The following ARHGEF10 variants were observed in gnomAD, a reference collection of about 807,000 sequenced individuals.
ARHGEF10 encodes the protein Rho guanine nucleotide exchange factor (GEF) 10.
In ARHGEF10, 140 loss-of-function variants were observed where a neutral mutation model predicts 147.4. The observed-to-expected ratio is 0.95, with a 90% CI of 0.83 to 1.09. The LOEUF (loss-of-function observed/expected upper bound fraction) is 1.09, where lower values mean the gene tolerates loss of function less well. ARHGEF10 is among the 50% of genes least tolerant of loss of function. The pLI is 0.00. For synonymous variants in ARHGEF10, 902 were observed against 695.8 expected (o/e 1.30, Z -4.67); for missense variants, 2,222 against 1,752.7 (o/e 1.27, Z -4.78).
intron 1 of ARHGEF10, among the ~76,000 whole-genome samples, chr8:1,834,117 C>T (rs1441823976): frequency 2.0e-5 from 3 of 152,190 alleles, no homozygotes; most frequent in Non-Finnish European, 2.9e-5. Context: ...TCTCATGGCA[C>T]GGACAGTTCT....
intron 17 of ARHGEF10, among the ~76,000 whole-genome samples, chr8:1,906,957 A>C (rs1417721219): frequency 6.6e-6 from 1 of 152,238 alleles, no homozygotes; most frequent in Admixed American, 6.5e-5. Flanking sequence ...AACCCTGTTC[A>C]TTTGACTCAT....
chr8:1,928,579 C>A lies in ARHGEF10; in HGVS notation c.2850C>A (p.Pro950=). The A allele has an allele frequency of 6.2e-7, 1 of 1,614,224 alleles. No homozygotes were observed. The highest frequency in any genetic ancestry group is 8.5e-7 in the Non-Finnish European group (1 of 1,180,056). The change falls in exon 24 of 29, where the codon CCC becomes CCA. Residue 950 remains proline (P), a synonymous_variant. Transcript: ENST00000349830. The stretch of plus-strand genomic sequence containing the variant: ...AGAAGCGCAGAGAGCCTGGGGCACC[C>A]CCGGACCCCGAGACCCCGGCCGTGA... ...VEEKRREPGA[P]PDPETPAVRA...
At chr8:1,950,146 G>A (rs759800776) in intron 27 of ARHGEF10, among the ~76,000 whole-genome samples, 3 of 152,122 alleles carry the variant, frequency 2.0e-5, no homozygotes, top group Admixed American at 6.5e-5. Context: ...CTGCATCACC[G>A]TTCACCACCT....
chr8:1,866,917 G>T (rs983477784), intron 6 of ARHGEF10, among the ~76,000 whole-genome samples: 6 of 152,074 alleles, frequency 3.9e-5, no homozygotes, highest in Non-Finnish European at 8.8e-5. Context: ...CTGCAGCCAT[G>T]GTCAGCCACC....
intron 10 of ARHGEF10, 80 bp downstream of exon 10, chr8:1,882,829 G>C (rs916344659): frequency 1.2e-5 from 12 of 974,498 alleles, no homozygotes; most frequent in African/African-American, 4.9e-5. Flanking sequence ...GACTCGGGGT[G>C]GGGGGCGGCC....
intron 26 of ARHGEF10, among the ~76,000 whole-genome samples, chr8:1,940,199 G>A (rs897879035): frequency 4.6e-5 from 7 of 152,124 alleles, no homozygotes; most frequent in Non-Finnish European, 1.0e-4. Flanking sequence ...TCTGTCATAC[G>A]CCACGGTTGT....
intron 1 of ARHGEF10, among the ~76,000 whole-genome samples, chr8:1,825,617 A>G (rs538966044): frequency 2.2e-4 from 33 of 150,568 alleles, no homozygotes; most frequent in Non-Finnish European, 4.4e-4. Context: ...TCCCAGCCCC[A>G]CTCCCCTTCC....
At chr8:1,850,724 T>C (rs1311924111) in intron 2 of ARHGEF10, among the ~76,000 whole-genome samples, 1 of 152,182 alleles carries the variant, frequency 6.6e-6, no homozygotes, top group East Asian at 1.9e-4. Context: ...GAAAACTTAA[T>C]GTCCACTCAA....
intron 28 of ARHGEF10, among the ~76,000 whole-genome samples, chr8:1,954,602 C>T (rs1815329534): frequency 6.6e-6 from 1 of 152,224 alleles, no homozygotes; most frequent in Non-Finnish European, 1.5e-5. Context: ...GGCCACCTGC[C>T]TGTGCCCAGG....
chr8:1,886,635 T>A (rs2129134561), intron 11 of ARHGEF10, among the ~76,000 whole-genome samples: 1 of 152,306 alleles, frequency 6.6e-6, no homozygotes, highest in East Asian at 1.9e-4. Context: ...CAACAGAGCT[T>A]GGAGACAGTT....
At chr8:1,922,400 C>G (rs139690475) in intron 18 of ARHGEF10, among the ~76,000 whole-genome samples, 1 of 151,990 alleles carries the variant, frequency 6.6e-6, no homozygotes, top group Admixed American at 6.6e-5. Flanking sequence ...GTTATGTCAA[C>G]GGTGTCTAAA....
chr8:1,894,833 C>G (rs1809845497), intron 13 of ARHGEF10, among the ~76,000 whole-genome samples: 1 of 152,214 alleles, frequency 6.6e-6, no homozygotes, highest in Non-Finnish European at 1.5e-5. Flanking sequence ...TAACAATATG[C>G]ACTTTATCGA....
intron 11 of ARHGEF10, among the ~76,000 whole-genome samples, chr8:1,889,468 GAGGAGA>G (rs1397032161): frequency 7.5e-5 from 5 of 66,858 alleles, no homozygotes; most frequent in African/African-American, 1.7e-4. Context: ...AGGGGTCTGT[GAGGAGA>G]CACTGAGTGG....
chr8:1,918,505 T>TGTGTG (rs1554505892), intron 18 of ARHGEF10, among the ~76,000 whole-genome samples: 5 of 148,714 alleles, frequency 3.4e-5, no homozygotes, highest in Admixed American at 1.4e-4. Context: ...TGTGTGTGTG[T>TGTGTG]TATTTTAAAA....
intron 16 of ARHGEF10, 145 bp from the exon 17 acceptor site, chr8:1,905,426 G>A (rs1362923392): frequency 1.3e-5 from 13 of 985,576 alleles, no homozygotes; most frequent in South Asian, 6.6e-5. Flanking sequence ...GATGTTCAGC[G>A]CAGTCACGGG....
At chr8:1,950,132 G>T (rs549428557) in intron 27 of ARHGEF10, among the ~76,000 whole-genome samples, 9 of 152,248 alleles carry the variant, frequency 5.9e-5, no homozygotes, top group South Asian at 4.1e-4. Flanking sequence ...ACCTCACTGT[G>T]CAGCTGCATC....
At chr8:1,882,081 G>A (rs917618037) in intron 9 of ARHGEF10, among the ~76,000 whole-genome samples, 2 of 152,168 alleles carry the variant, frequency 1.3e-5, no homozygotes, top group Admixed American at 6.5e-5. Context: ...CATCCGCAGC[G>A]TGCTGCACCC....
In ARHGEF10 at chr8:1,882,769, C is replaced by G. The variant is rs773008961; in HGVS notation, c.1075+20C>G. The G allele has an allele frequency of 6.8e-7, 1 of 1,463,044 alleles. No individual in the cohort carries two copies. The highest frequency in any genetic ancestry group is 9.1e-7 in the Non-Finnish European group (1 of 1,098,110). 90.6% of individuals were successfully genotyped at this position (1,463,044 alleles called of 1,614,324 possible). ...CACAGGGTCCGTGCCTGCAGGTCTT[C>G]TTGCGGGGAGGACACGGGGTTGGGG... On this transcript the variant is annotated intron_variant, in intron 10 of 28. Transcript: ENST00000349830.
At position 1,833,332 on chromosome 8, in the gene ARHGEF10, A is replaced by G. The variant is rs1436900577; in HGVS notation, c.-48+9219A>G. Among the ~76,000 whole-genome samples the G allele has an allele frequency of 1.5e-3, 158 of 104,454 alleles. 1 individual carries two copies. The highest frequency in any genetic ancestry group is 5.5e-3 in the African/African-American group (144 of 26,018). 68.5% of individuals were successfully genotyped at this position (104,454 alleles called of 152,430 possible). On this transcript the variant is annotated intron_variant, in intron 1 of 28. Coordinates refer to ENST00000349830, the MANE Select transcript of ARHGEF10 (RefSeq NM_014629.4). ...GAGACAGAAGCAGAGGGAGACAGAG[A>G]CAGAGGCAGAGACAGAGGCAGAGAG...
Sources: gnomAD v4.1 joint callset for allele counts (sites outside exome capture counted in the v4.1 genomes callset) on GRCh38, gnomAD v4.1.1 for gene constraint, MANE v1.5 for transcripts, NCBI Gene and HGNC (gene_info 2026-07-23, HGNC 2026-07-21) for gene names.